The following GRTP1 variants were observed in gnomAD, a reference collection of about 807,000 sequenced individuals.
The protein encoded by GRTP1 is growth hormone-regulated TBC protein 1.
Under a neutral mutation model 38.1 loss-of-function variants are expected in GRTP1, and 56 were observed. The ratio of observed to expected loss-of-function variants is 1.47; its 90% CI spans 1.19 to 1.84. GRTP1 has a LOEUF of 1.84. Ranked by LOEUF, GRTP1 falls within the 40% of genes most tolerant of loss-of-function variation. The probability of loss-of-function intolerance (pLI) is 0.00; values close to 1 mark genes in which losing one functional copy is unlikely to be tolerated. For missense variants in GRTP1, 506 were observed against 453.9 expected, an observed-to-expected ratio of 1.11 and a Z score of -1.04; for synonymous variants, 217 against 189.5, an observed-to-expected ratio of 1.14 and a Z score of -1.19.
chr13:113,346,321 C>T (rs1401432645), intron 4 of GRTP1, among the ~76,000 whole-genome samples: 16 of 40,308 alleles, frequency 4.0e-4, no homozygotes, highest in African/African-American at 8.3e-4. Context: ...AGAGAGCAGA[C>T]CCGGGAGGAC....
intron 5 of GRTP1, among the ~76,000 whole-genome samples, chr13:113,334,766 C>T (rs1345871749): frequency 1.3e-5 from 2 of 152,156 alleles, no homozygotes; most frequent in East Asian, 1.9e-4. Flanking sequence ...CACCACAGCC[C>T]GGCAGTGGAG....
At chr13:113,333,150 G>T (rs2042900981) in intron 5 of GRTP1, among the ~76,000 whole-genome samples, 1 of 152,226 alleles carries the variant, frequency 6.6e-6, no homozygotes, top group Non-Finnish European at 1.5e-5. Context: ...ATCCTCATCA[G>T]GAAAGCCTGA....
intron 5 of GRTP1, among the ~76,000 whole-genome samples, chr13:113,338,800 G>C (rs536628768): frequency 3.9e-5 from 6 of 152,146 alleles, no homozygotes; most frequent in Non-Finnish European, 8.8e-5. Flanking sequence ...AGGGAGCTCA[G>C]CCATGGGTTC....
intron 4 of GRTP1, among the ~76,000 whole-genome samples, chr13:113,346,183 C>T (rs370278337): frequency 0.023 from 2,614 of 112,888 alleles, 59 homozygotes; most frequent in South Asian, 0.046. Flanking sequence ...CCCGGGAGGA[C>T]CTCTGTGGCT....
At chr13:113,345,775 C>T (rs2043094659) in intron 4 of GRTP1, among the ~76,000 whole-genome samples, 1 of 152,222 alleles carries the variant, frequency 6.6e-6, no homozygotes, top group Admixed American at 6.5e-5. Context: ...GGAGGACGGG[C>T]ACGCAGCCTT....
chr13:113,324,220 A>T lies in GRTP1; in HGVS notation c.*268T>A. The T allele has an allele frequency of 2.5e-6, 1 of 406,142 alleles. No homozygotes were observed. The highest frequency in any genetic ancestry group is 2.1e-5 in the African/African-American group (1 of 47,644). 25.2% of individuals were successfully genotyped at this position (406,142 alleles called of 1,614,324 possible). A position where few individuals can be genotyped will look rare whatever the true frequency, so the allele number is the denominator to read the frequency against. ...AACACAGGTGTTGGCATACTTTATT[A>T]GATACAAACCCACACTCACATTTTA... On this transcript the variant is annotated 3_prime_UTR_variant, in exon 8 of 8. Transcript: ENST00000375431.
intron 5 of GRTP1, among the ~76,000 whole-genome samples, chr13:113,338,391 T>C (rs1472037276): frequency 6.6e-6 from 1 of 152,174 alleles, no homozygotes; most frequent in Non-Finnish European, 1.5e-5. Context: ...TAGAGGCATT[T>C]GCTGGTAAAA....
chr13:113,350,154 C>T (rs1373477472), intron 4 of GRTP1, among the ~76,000 whole-genome samples: 1 of 152,076 alleles, frequency 6.6e-6, no homozygotes, highest in Non-Finnish European at 1.5e-5. Context: ...GCACCACCAG[C>T]GACAGGCCCA....
At chr13:113,359,915 G>A (rs1192052253) in intron 2 of GRTP1, 1 of 152,200 alleles carries the variant, frequency 6.6e-6, no homozygotes, top group African/African-American at 2.4e-5. Flanking sequence ...CAGGGCTAAC[G>A]CACAGAGCAT....
intron 3 of GRTP1, among the ~76,000 whole-genome samples, chr13:113,352,358 TTTTATATATATATATATATTTA>T: frequency 5.2e-5 from 1 of 19,050 alleles, no homozygotes; most frequent in Admixed American, 1.5e-3. Flanking sequence ...TTTATATATA[TTTTATATATATATATATATTTA>T]TATATATATT....
In GRTP1 at chr13:113,333,658, C is replaced by T. The variant is rs983387476; in HGVS notation, c.563-7567G>A. Among the ~76,000 whole-genome samples, 5 of 151,866 alleles carry T rather than the reference C, an allele frequency of 3.3e-5. No homozygotes were observed. The East Asian group carries it at 5.8e-4, about 18-fold the overall frequency. On this transcript the variant is annotated intron_variant, in intron 5 of 7. Transcript: ENST00000375431. Reference sequence around the variant, plus strand: ...CAGCTGGGATTACAGGTGTGCACCACCACGCCCAGCTAATTTTTGTATTTT... The same window carrying T: ...CAGCTGGGATTACAGGTGTGCACCATCACGCCCAGCTAATTTTTGTATTTT...
At chr13:113,350,501 ATG>A in intron 4 of GRTP1, among the ~76,000 whole-genome samples, 1 of 142,752 alleles carries the variant, frequency 7.0e-6, no homozygotes, top group East Asian at 2.1e-4. Context: ...CATGGTGCAC[ATG>A]CCTTCCAGCA....
intron 5 of GRTP1, among the ~76,000 whole-genome samples, chr13:113,330,648 G>A (rs1413099882): frequency 6.7e-3 from 30 of 4,474 alleles, no homozygotes; most frequent in Admixed American, 0.026. Flanking sequence ...GTGTGCATGG[G>A]AGCCCAGGTG....
At chr13:113,331,318 G>C (rs896931927) in intron 5 of GRTP1, among the ~76,000 whole-genome samples, 2 of 152,222 alleles carry the variant, frequency 1.3e-5, no homozygotes, top group African/African-American at 4.8e-5. Context: ...ATGACCTGGG[G>C]GTTGGGGGCT....
intron 5 of GRTP1, chr13:113,339,501 A>G (rs1052310432): frequency 2.0e-5 from 3 of 152,240 alleles, no homozygotes; most frequent in African/African-American, 7.2e-5. Context: ...TCTTAAATCC[A>G]TCTGGAAATG....
chr13:113,325,887 C>A (rs748387542), intron 6 of GRTP1, 32 bp downstream of exon 6: 2 of 1,613,778 alleles, frequency 1.2e-6, no homozygotes, highest in Non-Finnish European at 1.7e-6. Flanking sequence ...CCTGGCGGCC[C>A]GCCCGCCCCA....
rs1024646627 is a variant in GRTP1, at chr13:113,344,848, G to A, written c.562+15C>T. 10 of 1,592,950 alleles carry A rather than the reference G, an allele frequency of 6.3e-6. No homozygotes were observed. In the Admixed American group the frequency reaches 9.1e-5, roughly 15 times the overall value. On this transcript the variant is annotated intron_variant, in intron 5 of 7. Transcript: ENST00000375431. ...ACAGGACAGTTCGGGCATACCGCAG[G>A]AATTTTCAACATACCTGGTAGTATT... is the stretch of plus-strand genomic sequence containing the variant.
Position 113,325,858 on chromosome 13 carries a change from TG to T in GRTP1, c.736-13del. 1 of 1,613,684 alleles carries T rather than the reference TG, an allele frequency of 6.2e-7. No individual in the cohort carries two copies. Among genetic ancestry groups the T allele is most frequent in the Non-Finnish European group, 8.5e-7 (1 of 1,179,812 alleles). On this transcript the variant is annotated splice_polypyrimidine_tract_variant and intron_variant, in intron 6 of 7. Transcript: ENST00000375431. ...ATCCGAAGCACTGTCTGCAGAGACATGGGAACCCGGTGTCACTCCCTGGCGG... is the reference window on the plus strand; with the variant it reads ...ATCCGAAGCACTGTCTGCAGAGACATGGAACCCGGTGTCACTCCCTGGCGG...
intron 5 of GRTP1, among the ~76,000 whole-genome samples, chr13:113,330,703 C>T (rs111787917): frequency 0.54 from 270 of 504 alleles, 45 homozygotes; most frequent in African/African-American, 0.57. Context: ...CAGGTGTGTG[C>T]ATGGAAACCC....
Sources: gnomAD v4.1 joint callset for allele counts (sites outside exome capture counted in the v4.1 genomes callset) on GRCh38, gnomAD v4.1.1 for gene constraint, MANE v1.5 for transcripts, NCBI Gene and HGNC (gene_info 2026-07-23, HGNC 2026-07-21) for gene names.